The following UNC5C variants were observed in gnomAD, a reference collection of about 807,000 sequenced individuals.
UNC5C encodes the protein netrin receptor UNC5C.
A neutral mutation model predicts 99.8 loss-of-function variants in UNC5C; 47 were observed. That is an observed-to-expected ratio of 0.47 (90% CI 0.37 to 0.60). The LOEUF is 0.60. Among genes scored for constraint, UNC5C ranks in the 20% least tolerant of loss-of-function variants. The probability of loss-of-function intolerance (pLI) is 0.00; values close to 1 mark genes in which losing one functional copy is unlikely to be tolerated. For synonymous variants in UNC5C, 487 were observed against 452.2 expected (o/e 1.08, Z -0.98); for missense variants, 1,062 against 1,165.9 (o/e 0.91, Z 1.30).
intron 1 of UNC5C, among the ~76,000 whole-genome samples, chr4:95,525,583 A>G (rs572930982): frequency 7.4e-6 from 1 of 135,564 alleles, no homozygotes; most frequent in African/African-American, 2.7e-5. Flanking sequence ...AGCAGTGTGC[A>G]AAGCCTATTT....
intron 10 of UNC5C, among the ~76,000 whole-genome samples, chr4:95,211,440 A>G (rs1159021751): frequency 6.6e-6 from 1 of 152,086 alleles, no homozygotes; most frequent in African/African-American, 2.4e-5. Flanking sequence ...ATGCTTATCT[A>G]CCTCCATTGA....
chr4:95,283,665 T>G (rs1338464072), intron 3 of UNC5C, among the ~76,000 whole-genome samples: 3 of 152,220 alleles, frequency 2.0e-5, no homozygotes, highest in African/African-American at 7.2e-5. Context: ...ACTTGTCAGC[T>G]GGGAATTAGA....
At chr4:95,276,745 T>A (rs1740875957) in intron 4 of UNC5C, among the ~76,000 whole-genome samples, 1 of 152,224 alleles carries the variant, frequency 6.6e-6, no homozygotes. Flanking sequence ...GTCTTAGTGC[T>A]GCGAGATAAG....
At chr4:95,382,921 T>C (rs954458130) in intron 1 of UNC5C, among the ~76,000 whole-genome samples, 1 of 152,178 alleles carries the variant, frequency 6.6e-6, no homozygotes, top group African/African-American at 2.4e-5. Flanking sequence ...TACTGCAGCA[T>C]TGGGCTATCA....
intron 1 of UNC5C, among the ~76,000 whole-genome samples, chr4:95,445,807 AAGT>A (rs1747083550): frequency 6.6e-6 from 1 of 152,148 alleles, no homozygotes; most frequent in Non-Finnish European, 1.5e-5. Flanking sequence ...GAGGTGGAAG[AAGT>A]AAGTCTTCAG....
chr4:95,448,227 T>TGAGAGAGGGAGAGAGAGAGAGAGA (rs1747171322), intron 1 of UNC5C, among the ~76,000 whole-genome samples: 1 of 100,086 alleles, frequency 1.0e-5, no homozygotes, highest in Non-Finnish European at 2.0e-5. Flanking sequence ...TGTGTGTGTG[T>TGAGAGAGGGAGAGAGAGAGAGAGA]GAGAGAGAGA....
intron 2 of UNC5C, among the ~76,000 whole-genome samples, chr4:95,324,054 T>A (rs1742798803): frequency 1.3e-5 from 2 of 151,754 alleles, no homozygotes; most frequent in African/African-American, 4.8e-5. Flanking sequence ...AATAAATAAA[T>A]AAATAAATAA....
intron 1 of UNC5C, among the ~76,000 whole-genome samples, chr4:95,444,588 C>T (rs1199619468): frequency 1.3e-5 from 2 of 152,172 alleles, no homozygotes; most frequent in Non-Finnish European, 2.9e-5. Context: ...GCCTCAACCT[C>T]CCAAAGTGCT....
At position 95,459,916 on chromosome 4, in the gene UNC5C, T is replaced by A. The variant is rs189039265; in HGVS notation, c.124+88818A>T. On this transcript the variant is annotated intron_variant, in intron 1 of 15. Coordinates refer to ENST00000453304, the MANE Select transcript of UNC5C (RefSeq NM_003728.4). Reference sequence around the variant, plus strand: ...GTCACTCACTCATGGATTAAGAATGTGCATGAAATATAATTCCTATAACAT... The same window carrying A: ...GTCACTCACTCATGGATTAAGAATGAGCATGAAATATAATTCCTATAACAT... Among the ~76,000 whole-genome samples the A allele has an allele frequency of 3.3e-3, 507 of 152,316 alleles. 4 individuals are homozygous for A. Among genetic ancestry groups the A allele is most frequent in the Middle Eastern group, 0.017 (5 of 294 alleles).
chr4:95,290,028 G>T (rs1741384917), intron 3 of UNC5C, among the ~76,000 whole-genome samples: 1 of 152,124 alleles, frequency 6.6e-6, no homozygotes, highest in Non-Finnish European at 1.5e-5. Flanking sequence ...TTGAAGCTCG[G>T]TGCAGTGGCT....
chr4:95,520,044 A>G (rs1438067128), intron 1 of UNC5C, among the ~76,000 whole-genome samples: 2 of 152,132 alleles, frequency 1.3e-5, no homozygotes, highest in Non-Finnish European at 2.9e-5. Context: ...GTAGGTAGGA[A>G]TCTCTCGCAA....
chr4:95,176,234 C>T (rs1736336965), intron 14 of UNC5C, among the ~76,000 whole-genome samples: 1 of 152,246 alleles, frequency 6.6e-6, no homozygotes, highest in African/African-American at 2.4e-5. Flanking sequence ...AAGCCTTCCT[C>T]TCTCAGCTCG....
intron 1 of UNC5C, among the ~76,000 whole-genome samples, chr4:95,449,607 C>A (rs1747224198): frequency 6.6e-6 from 1 of 152,134 alleles, no homozygotes; most frequent in Non-Finnish European, 1.5e-5. Context: ...ATAAAGACAT[C>A]TAAGAAAGTG....
intron 1 of UNC5C, among the ~76,000 whole-genome samples, chr4:95,498,713 T>G (rs1188627097): frequency 6.6e-6 from 1 of 151,754 alleles, no homozygotes; most frequent in African/African-American, 2.4e-5. Flanking sequence ...TACAGTGTTT[T>G]TTTTTTTTCC....
chr4:95,184,462 T>C (rs1736751309), intron 13 of UNC5C, among the ~76,000 whole-genome samples: 1 of 152,210 alleles, frequency 6.6e-6, no homozygotes, highest in Non-Finnish European at 1.5e-5. Flanking sequence ...AAAGTGGTTT[T>C]CTCAAGAGCT....
chr4:95,188,415 T>C (rs1168046849), intron 12 of UNC5C, among the ~76,000 whole-genome samples: 2 of 152,176 alleles, frequency 1.3e-5, no homozygotes, highest in African/African-American at 4.8e-5. Context: ...GAAACGAGTA[T>C]AATCTAAAAC....
At chr4:95,177,250 G>T (rs1736400682) in intron 14 of UNC5C, among the ~76,000 whole-genome samples, 1 of 152,146 alleles carries the variant, frequency 6.6e-6, no homozygotes, top group Admixed American at 6.5e-5. Flanking sequence ...TTCCTATTCG[G>T]CTGTCTCTCT....
intron 1 of UNC5C, among the ~76,000 whole-genome samples, chr4:95,418,138 T>C (rs1019477317): frequency 1.6e-4 from 25 of 152,232 alleles, no homozygotes; most frequent in Admixed American, 1.4e-3. Flanking sequence ...CAAATTCATC[T>C]TAGGGACAAT....
At chr4:95,337,573 G>A (rs958077050) in intron 1 of UNC5C, among the ~76,000 whole-genome samples, 5 of 151,876 alleles carry the variant, frequency 3.3e-5, no homozygotes, top group African/African-American at 9.7e-5. Context: ...GTCAAAAGCA[G>A]CTCTGTTAAA....
Sources: allele counts gnomAD v4.1 joint callset (sites outside exome capture counted in the v4.1 genomes callset), GRCh38; gene constraint gnomAD v4.1.1; transcripts MANE v1.5; gene names NCBI Gene and HGNC (gene_info 2026-07-23, HGNC 2026-07-21).